The following MACROD2 variants were observed in gnomAD, a reference collection of about 807,000 sequenced individuals.
The protein encoded by MACROD2 is mono-ADP ribosylhydrolase 2.
A neutral mutation model predicts 70.4 loss-of-function variants in MACROD2; 36 were observed. That is an observed-to-expected ratio of 0.51 (90% confidence interval 0.39 to 0.68). The LOEUF (loss-of-function observed/expected upper bound fraction) is 0.68, where lower values mean the gene tolerates loss of function less well. Among genes scored for constraint, MACROD2 ranks in the 30% least tolerant of loss-of-function variants. MACROD2 has a pLI of 0.00. For missense variants in MACROD2, 496 were observed against 538.4 expected (o/e 0.92, Z 0.78); for synonymous variants, 172 against 178.8 (o/e 0.96, Z 0.30).
chr20:14,135,163 A>G (rs1047579987), intron 3 of MACROD2, among the ~76,000 whole-genome samples: 1 of 152,186 alleles, frequency 6.6e-6, no homozygotes, highest in Non-Finnish European at 1.5e-5. Context: ...ATCTATAAGC[A>G]TCATCATGAA....
At chr20:15,124,986 G>A (rs1601106167) in intron 5 of MACROD2, among the ~76,000 whole-genome samples, 1 of 151,946 alleles carries the variant, frequency 6.6e-6, no homozygotes, top group East Asian at 1.9e-4. Context: ...CATTGATTAG[G>A]GTGCTGTTAG....
intron 3 of MACROD2, among the ~76,000 whole-genome samples, chr20:14,295,565 T>G (rs1012184939): frequency 2.0e-5 from 3 of 149,842 alleles, no homozygotes; most frequent in Admixed American, 6.7e-5. Flanking sequence ...GGGGACTGTG[T>G]GGGGGGGCTG....
intron 8 of MACROD2, among the ~76,000 whole-genome samples, chr20:15,762,994 C>T (rs373424382): frequency 3.9e-5 from 6 of 152,198 alleles, no homozygotes; most frequent in South Asian, 4.1e-4. Flanking sequence ...TTAACAACAA[C>T]GGTAAGGGAA....
intron 12 of MACROD2, among the ~76,000 whole-genome samples, chr20:15,956,281 G>A (rs2065975699): frequency 6.6e-6 from 1 of 152,200 alleles, no homozygotes; most frequent in Non-Finnish European, 1.5e-5. Context: ...AGCCTTTCTT[G>A]ATTCCACAGA....
intron 8 of MACROD2, among the ~76,000 whole-genome samples, chr20:15,598,443 A>G (rs1479384677): frequency 6.6e-6 from 1 of 152,142 alleles, no homozygotes; most frequent in Non-Finnish European, 1.5e-5. Context: ...TGTTGCATGT[A>G]GGTGTAATAC....
intron 8 of MACROD2, among the ~76,000 whole-genome samples, chr20:15,663,889 G>C (rs2049859320): frequency 2.0e-5 from 3 of 152,214 alleles, no homozygotes; most frequent in African/African-American, 7.2e-5. Context: ...GGCAAAAGCA[G>C]TGCGTGTTGC....
intron 2 of MACROD2, among the ~76,000 whole-genome samples, chr20:14,078,871 G>A (rs2053951955): frequency 6.6e-6 from 1 of 152,098 alleles, no homozygotes; most frequent in Admixed American, 6.5e-5. Context: ...GCTTTTCTAG[G>A]TTATATTTGT....
chr20:15,265,133 A>G (rs1441502390), intron 6 of MACROD2, among the ~76,000 whole-genome samples: 2 of 152,208 alleles, frequency 1.3e-5, no homozygotes, highest in Non-Finnish European at 2.9e-5. Context: ...TGGCTTTAGA[A>G]TTGCAAGGAA....
intron 8 of MACROD2, among the ~76,000 whole-genome samples, chr20:15,835,490 T>C (rs1050261340): frequency 6.6e-6 from 1 of 152,122 alleles, no homozygotes; most frequent in African/African-American, 2.4e-5. Context: ...TATTATTCAT[T>C]CTAATTAACA....
At chr20:15,577,861 C>T (rs1207669827) in intron 8 of MACROD2, among the ~76,000 whole-genome samples, 6 of 152,158 alleles carry the variant, frequency 3.9e-5, no homozygotes, top group Non-Finnish European at 8.8e-5. Context: ...TTCCTTTTCA[C>T]TGTTGATTGT....
At chr20:15,014,757 A>G (rs574250965) in intron 5 of MACROD2, among the ~76,000 whole-genome samples, 31 of 152,282 alleles carry the variant, frequency 2.0e-4, no homozygotes, top group African/African-American at 7.2e-4. Context: ...AAAAAACAGA[A>G]ATCTAAGCTA....
intron 3 of MACROD2, among the ~76,000 whole-genome samples, chr20:14,427,329 T>TA (rs1177962887): frequency 2.0e-5 from 3 of 152,016 alleles, no homozygotes; most frequent in African/African-American, 4.8e-5. Context: ...TTGCCCCAGT[T>TA]AGGTACTTTC....
chr20:14,555,307 A>G (rs1348391986), intron 4 of MACROD2, among the ~76,000 whole-genome samples: 3 of 152,106 alleles, frequency 2.0e-5, no homozygotes, highest in Admixed American at 6.6e-5. Context: ...AAATTCTAGT[A>G]GTAGAATATA....
chr20:14,641,893 T>G (rs758180903), intron 4 of MACROD2, among the ~76,000 whole-genome samples: 1 of 152,146 alleles, frequency 6.6e-6, no homozygotes, highest in Non-Finnish European at 1.5e-5. Flanking sequence ...TGGCTTCAAT[T>G]TAAAATCATC....
intron 6 of MACROD2, among the ~76,000 whole-genome samples, chr20:15,273,200 G>A (rs2146072007): frequency 6.6e-6 from 1 of 152,158 alleles, no homozygotes; most frequent in Non-Finnish European, 1.5e-5. Flanking sequence ...CTAATCAGCT[G>A]CCAACGAATA....
intron 6 of MACROD2, among the ~76,000 whole-genome samples, chr20:15,355,482 T>C (rs1018654981): frequency 1.3e-4 from 20 of 152,208 alleles, no homozygotes; most frequent in Non-Finnish European, 2.1e-4. Flanking sequence ...CATCAATGCA[T>C]ACACCACCTG....
intron 7 of MACROD2, among the ~76,000 whole-genome samples, chr20:15,478,551 GTC>G (rs978032366): frequency 3.6e-5 from 2 of 54,842 alleles, no homozygotes; most frequent in East Asian, 1.5e-3. Flanking sequence ...GTGTGTGTGT[GTC>G]TGTGTGTGTG....
At chr20:15,234,012 C>CTTTTTTTTTTTTTTTTTTTTTTTTT (rs1177498607) in intron 6 of MACROD2, among the ~76,000 whole-genome samples, 1 of 29,186 alleles carries the variant, frequency 3.4e-5, no homozygotes, top group East Asian at 1.4e-3. Context: ...TATATATATT[C>CTTTTTTTTTTTTTTTTTTTTTTTTT]TTTTTTTTTT....
At chr20:14,164,277 G>A (rs1219382043) in intron 3 of MACROD2, among the ~76,000 whole-genome samples, 1 of 152,154 alleles carries the variant, frequency 6.6e-6, no homozygotes, top group African/African-American at 2.4e-5. Context: ...GGAAGCTGTG[G>A]TGAAATTTTG....
Sources: gnomAD v4.1 joint callset for allele counts (sites outside exome capture counted in the v4.1 genomes callset) on GRCh38, gnomAD v4.1.1 for gene constraint, MANE v1.5 for transcripts, NCBI Gene and HGNC (gene_info 2026-07-23, HGNC 2026-07-21) for gene names.